FPGT: variants seen among roughly 807,000 people sequenced by gnomAD.
FPGT encodes the protein fucose-1-phosphate guanylyltransferase.
In FPGT, 41 loss-of-function variants were observed where a neutral mutation model predicts 45.8. That is an observed-to-expected ratio of 0.90 (90% CI 0.70 to 1.16). FPGT has a LOEUF of 1.16. FPGT is among the 50% of genes most tolerant of loss of function. The pLI, the probability that FPGT is intolerant of heterozygous loss-of-function variation, is 0.00. For missense variants in FPGT, 755 were observed against 689.1 expected, an observed-to-expected ratio of 1.10 and a Z score of -1.07; for synonymous variants, 292 against 247.2, an observed-to-expected ratio of 1.18 and a Z score of -1.70.
chr1:74,199,575 T>C (rs932695763), intron 1 of FPGT, 89 bp from the exon 2 acceptor site: 28 of 1,418,720 alleles, frequency 2.0e-5, no homozygotes, highest in Non-Finnish European at 2.7e-5. Context: ...GGATATTACC[T>C]TCTTTATCAT....
Position 74,198,276 on chromosome 1 carries a change from G to C in FPGT, c.-3G>C, listed in dbSNP as rs201917402. On this transcript the variant is annotated 5_prime_UTR_variant, in exon 1 of 4. Coordinates refer to ENST00000370898, the MANE Select transcript of FPGT (RefSeq NM_003838.5). ...GCGGCGCGGTCTCAGGGAAGGTGGGGCTATGGCAGCTGCTAGGGACCCTCC... is the reference window on the plus strand; with the variant it reads ...GCGGCGCGGTCTCAGGGAAGGTGGGCCTATGGCAGCTGCTAGGGACCCTCC... 1 of 1,613,904 alleles carries C rather than the reference G, an allele frequency of 6.2e-7. No individual in the cohort carries two copies. The highest frequency in any genetic ancestry group is 1.7e-4 in the Middle Eastern group (1 of 5,972).
At position 74,199,850 on chromosome 1, in the gene FPGT, G is replaced by C. The variant is rs1185656921; in HGVS notation, c.250+19G>C. The C allele has an allele frequency of 6.2e-7, 1 of 1,611,468 alleles. No individual in the cohort carries two copies. Among genetic ancestry groups the C allele is most frequent in the Admixed American group, 1.7e-5 (1 of 59,388 alleles). On this transcript the variant is annotated intron_variant, in intron 2 of 3. Coordinates refer to ENST00000370898, the MANE Select transcript of FPGT (RefSeq NM_003838.5). ...AAAATTGGTACGCGCTTTATGGTCA[G>C]TTTTATAATATAGGTCCTAAGCAGA...
intron 1 of FPGT, 174 bp downstream of exon 1, chr1:74,198,534 C>T (rs1307743848): frequency 1.2e-6 from 1 of 819,706 alleles, no homozygotes; most frequent in Admixed American, 2.6e-5. Flanking sequence ...TTTCACTGTC[C>T]CTGCTTGACA....
rs571848 is a variant in FPGT at position 74,205,835 on chromosome 1, A to C, written c.*3A>C. 1 of 1,476,364 alleles carries C rather than the reference A, an allele frequency of 6.8e-7. No individual in the cohort carries two copies. The highest frequency in any genetic ancestry group is 1.4e-5 in the African/African-American group (1 of 72,152). The allele number at this position is 1,476,364 out of a possible 1,614,324, so 91.5% of individuals were successfully genotyped here. ...GTTTAAAAAGCAGTTTGATGTAGAGATATTTTAAATATTGTACACTTTGCC... is the reference window on the plus strand; with the variant it reads ...GTTTAAAAAGCAGTTTGATGTAGAGCTATTTTAAATATTGTACACTTTGCC... On this transcript the variant is annotated 3_prime_UTR_variant, in exon 4 of 4. Transcript: ENST00000370898.
chr1:74,204,998 C>A lies in FPGT; in HGVS notation c.951C>A (p.Thr317=). ...ALGPGATVEY[T]RNTSNVIKEE... ...GACCTGGAGCAACTGTGGAGTACAC[C>A]AGAAACACATCAAATGTCATTAAAG... is the stretch of plus-strand genomic sequence containing the variant. Residue 317 remains threonine, a synonymous_variant, in exon 4 of 4, where the codon ACC becomes ACA. Coordinates refer to ENST00000370898, the MANE Select transcript of FPGT (RefSeq NM_003838.5). The A allele has an allele frequency of 6.2e-7, 1 of 1,613,956 alleles. No individual in the cohort carries two copies. Among genetic ancestry groups the A allele is most frequent in the Non-Finnish European group, 8.5e-7 (1 of 1,179,988 alleles).
At chr1:74,202,014 C>T (rs1307487476) in intron 3 of FPGT, among the ~76,000 whole-genome samples, 1 of 151,984 alleles carries the variant, frequency 6.6e-6, no homozygotes, top group Non-Finnish European at 1.5e-5. Context: ...AGCCAGAGGC[C>T]ACAATGCTTA....
rs1570320801 is a variant in FPGT at position 74,205,897 on chromosome 1, A to G, written c.*65A>G. On this transcript the variant is annotated 3_prime_UTR_variant, in exon 4 of 4. Transcript: ENST00000370898. ...CATTCCAGAGATAGGTATTTTTTGT[A>G]GGCTGTTTCACTGAACTCAGTTAAT... is the stretch of plus-strand genomic sequence containing the variant. 28 of 907,614 alleles carry G rather than the reference A, an allele frequency of 3.1e-5. No individual in the cohort carries two copies. Among genetic ancestry groups the G allele is most frequent in the Non-Finnish European group, 4.6e-5 (27 of 589,824 alleles). The allele number at this position is 907,614 out of a possible 1,614,324, so 56.2% of individuals were successfully genotyped here. A position where few individuals can be genotyped will look rare whatever the true frequency, so the allele number is the denominator to read the frequency against.
chr1:74,201,582 A>C lies in FPGT; in HGVS notation c.343+172A>C, dbSNP rs192647935. Among the ~76,000 whole-genome samples the C allele has an allele frequency of 2.6e-5, 4 of 152,248 alleles. No individual in the cohort carries two copies. In the South Asian group the frequency reaches 8.3e-4, roughly 32 times the overall value. On this transcript the variant is annotated intron_variant, in intron 3 of 3. Coordinates refer to ENST00000370898, the MANE Select transcript of FPGT (RefSeq NM_003838.5). ...TTTTCATGACTTTTTTTAGGTTGTA[A>C]GTAGTATAGTGATTTTCACAAATTT...
intron 2 of FPGT, chr1:74,200,575 G>A (rs1651701453): frequency 1.4e-5 from 2 of 143,102 alleles, no homozygotes; most frequent in African/African-American, 5.4e-5. Context: ...TGCGATCTTA[G>A]CTCACTCCAA....
chr1:74,201,334 A>G lies in FPGT; in HGVS notation c.267A>G (p.Thr89=), dbSNP rs556786628. The G allele has an allele frequency of 1.9e-6, 3 of 1,610,682 alleles. No individual in the cohort carries two copies. The highest frequency in any genetic ancestry group is 2.5e-6 in the Non-Finnish European group (3 of 1,179,024). Residue 89 remains threonine (T), a synonymous_variant, in exon 3 of 4, where the codon ACA becomes ACG. Coordinates refer to ENST00000370898, the MANE Select transcript of FPGT (RefSeq NM_003838.5). Reference sequence around the variant, plus strand: ...GTTTTTAAGGAAATGGAGGATCAACACTTTGTGCCCTTCAATGTTTGGAAA... The same window carrying G: ...GTTTTTAAGGAAATGGAGGATCAACGCTTTGTGCCCTTCAATGTTTGGAAA... ...AGAKIGNGGS[T]LCALQCLEKL...
intron 3 of FPGT, 144 bp from the exon 4 acceptor site, chr1:74,204,247 C>G (rs1652068568): frequency 4.2e-6 from 2 of 478,848 alleles, no homozygotes; most frequent in Non-Finnish European, 7.2e-6. Context: ...TTATTCTTTC[C>G]TGATTTGCAG....
At position 74,205,663 on chromosome 1, in the gene FPGT, T is replaced by C. The variant is rs1652227106; in HGVS notation, c.1616T>C (p.Ile539Thr). The change falls in exon 4 of 4, where the codon ATA (isoleucine) becomes ACA (threonine). Residue 539 changes from isoleucine (I) to threonine (T), a missense_variant. Ile to Thr is a moderately conservative substitution (Grantham distance 89). Coordinates refer to ENST00000370898, the MANE Select transcript of FPGT (RefSeq NM_003838.5). ...PVCSSLSDSV[I>T]TSLKMLNAVK... Reference sequence around the variant, plus strand: ...TGTTCTTCTTTGAGTGACTCAGTTATAACATCCCTAAAGATGTTAAATGCT... The same window carrying C: ...TGTTCTTCTTTGAGTGACTCAGTTACAACATCCCTAAAGATGTTAAATGCT... 1.9e-6 allele frequency: 3 copies of C among 1,612,080 alleles called. No homozygotes were observed. The highest frequency in any genetic ancestry group is 4.5e-5 in the East Asian group (2 of 44,854).
At chr1:74,202,647 A>G (rs1651908730) in intron 3 of FPGT, among the ~76,000 whole-genome samples, 2 of 152,180 alleles carry the variant, frequency 1.3e-5, no homozygotes, top group South Asian at 2.1e-4. Context: ...AGTGCTTTAC[A>G]GGTATTATTG....
Position 74,205,893 on chromosome 1 carries a change from T to C in FPGT, c.*61T>C. 1.1e-6 allele frequency: 1 copy of C among 930,440 alleles called. No homozygotes were observed. The highest frequency in any genetic ancestry group is 1.6e-6 in the Non-Finnish European group (1 of 609,402). 57.6% of individuals were successfully genotyped at this position (930,440 alleles called of 1,614,324 possible). ...GTAACATTCCAGAGATAGGTATTTT[T>C]TGTAGGCTGTTTCACTGAACTCAGT... On this transcript the variant is annotated 3_prime_UTR_variant, in exon 4 of 4. Transcript: ENST00000370898.
intron 3 of FPGT, among the ~76,000 whole-genome samples, chr1:74,203,883 A>C (rs1652033189): frequency 6.6e-6 from 1 of 151,920 alleles, no homozygotes; most frequent in South Asian, 2.1e-4. Context: ...CTCTACTAAA[A>C]ATACAAAAAT....
chr1:74,202,277 T>C (rs1278454738), intron 3 of FPGT, among the ~76,000 whole-genome samples: 2 of 152,200 alleles, frequency 1.3e-5, no homozygotes, highest in African/African-American at 4.8e-5. Flanking sequence ...CAGGGACAGG[T>C]ATTTTAGAAT....
In FPGT at chr1:74,204,481, A is replaced by G; in HGVS notation, c.434A>G (p.Glu145Gly). 3 of 1,610,170 alleles carry G rather than the reference A, an allele frequency of 1.9e-6. No individual in the cohort carries two copies. Among genetic ancestry groups the G allele is most frequent in the Non-Finnish European group, 2.6e-6 (3 of 1,176,396 alleles). ...PLGNPIYQML[E>G]LKLAMYIDFP... ...GGTAACCCCATTTATCAGATGCTAG[A>G]ATTAAAACTAGCCATGTACATTGAT... is the stretch of plus-strand genomic sequence containing the variant. Residue 145 changes from glutamate to glycine, a missense_variant, in exon 4 of 4, where the codon GAA (glutamate) becomes GGA (glycine). Glu to Gly is a moderately conservative substitution (Grantham distance 98). Transcript: ENST00000370898.
chr1:74,200,872 A>G (rs1217827494), intron 2 of FPGT: 1 of 156,280 alleles, frequency 6.4e-6, no homozygotes, highest in African/African-American at 2.4e-5. Context: ...AGTTATATTT[A>G]AGATTTTTTT....
At position 74,198,276 on chromosome 1, in the gene FPGT, GC is replaced by G. The variant is rs773873767; in HGVS notation, c.-2del. On this transcript the variant is annotated 5_prime_UTR_variant, in exon 1 of 4. Transcript: ENST00000370898. ...GCGGCGCGGTCTCAGGGAAGGTGGG[GC>G]TATGGCAGCTGCTAGGGACCCTCCG... 5.0e-6 allele frequency: 8 copies of G among 1,613,906 alleles called. No homozygotes were observed. The South Asian group carries it at 8.8e-5, about 18-fold the overall frequency.
Sources: allele counts gnomAD v4.1 joint callset (sites outside exome capture counted in the v4.1 genomes callset), GRCh38; gene constraint gnomAD v4.1.1; transcripts MANE v1.5; gene names NCBI Gene and HGNC (gene_info 2026-07-23, HGNC 2026-07-21).